Variants in NRG1 observed in about 807,000 individuals in gnomAD.
NRG1 encodes pro-neuregulin-1, membrane-bound isoform.
In NRG1, 18 loss-of-function variants were observed where a neutral mutation model predicts 63.8. That is an observed-to-expected ratio of 0.28 (90% CI 0.19 to 0.42). The LOEUF is 0.42. Ranked by LOEUF, NRG1 falls within the 10% of genes least tolerant of loss-of-function variation. The pLI, the probability that NRG1 is intolerant of heterozygous loss-of-function variation, is 1.00. For synonymous variants in NRG1, 302 were observed against 301.3 expected (o/e 1.00, Z -0.02); for missense variants, 762 against 814.7 (o/e 0.94, Z 0.79).
At chr8:32,457,852 T>C (rs552927479) in intron 1 of NRG1, among the ~76,000 whole-genome samples, 1 of 152,270 alleles carries the variant, frequency 6.6e-6, no homozygotes, top group East Asian at 1.9e-4. Context: ...CTTAATGTGA[T>C]AGAAGCAAAT....
chr8:31,902,742 A>G (rs1832191431), intron 1 of NRG1, among the ~76,000 whole-genome samples: 1 of 152,222 alleles, frequency 6.6e-6, no homozygotes, highest in African/African-American at 2.4e-5. Context: ...TATTTTTACA[A>G]TTAAAAAGTA....
At chr8:32,355,722 G>T (rs1166204204) in intron 1 of NRG1, among the ~76,000 whole-genome samples, 4 of 151,496 alleles carry the variant, frequency 2.6e-5, no homozygotes, top group Admixed American at 1.3e-4. Context: ...AAAGAGATTT[G>T]TTTCCTCACC....
intron 1 of NRG1, among the ~76,000 whole-genome samples, chr8:31,863,760 T>C (rs942678968): frequency 5.9e-5 from 9 of 152,204 alleles, no homozygotes; most frequent in Admixed American, 5.2e-4. Flanking sequence ...CATCAAATCT[T>C]CTGGAAAGCC....
chr8:31,711,636 CTG>C (rs1156529737), intron 1 of NRG1, among the ~76,000 whole-genome samples: 4 of 152,164 alleles, frequency 2.6e-5, no homozygotes, highest in African/African-American at 9.7e-5. Context: ...TTATGTCTCT[CTG>C]TTTTTCCTTT....
At chr8:32,034,445 C>G (rs1818735177) in intron 1 of NRG1, among the ~76,000 whole-genome samples, 1 of 152,130 alleles carries the variant, frequency 6.6e-6, no homozygotes, top group African/African-American at 2.4e-5. Flanking sequence ...GGTTTGGTAT[C>G]AGGATGATGC....
chr8:31,802,378 G>T (rs1374896466), intron 1 of NRG1, among the ~76,000 whole-genome samples: 1 of 152,056 alleles, frequency 6.6e-6, no homozygotes, highest in Non-Finnish European at 1.5e-5. Flanking sequence ...ACTACAAAAT[G>T]CCTTCTACTC....
chr8:31,641,666 C>T (rs561426733), intron 1 of NRG1: 20 of 152,228 alleles, frequency 1.3e-4, no homozygotes, highest in African/African-American at 4.8e-4. Flanking sequence ...TTCCTGATTA[C>T]TATATAATCA....
chr8:32,239,632 C>G (rs1261399895), intron 1 of NRG1, among the ~76,000 whole-genome samples: 2 of 152,026 alleles, frequency 1.3e-5, no homozygotes, highest in African/African-American at 4.8e-5. Flanking sequence ...CACTACAGAG[C>G]AGGAGAAAAC....
At chr8:32,083,775 A>T (rs1827840585) in intron 1 of NRG1, among the ~76,000 whole-genome samples, 1 of 56,210 alleles carries the variant, frequency 1.8e-5, no homozygotes, top group African/African-American at 5.6e-5. Flanking sequence ...GTGATACAGT[A>T]TATATGTATT....
At chr8:32,515,370 T>A (rs1195489011) in intron 1 of NRG1, among the ~76,000 whole-genome samples, 2 of 152,098 alleles carry the variant, frequency 1.3e-5, no homozygotes, top group Non-Finnish European at 2.9e-5. Flanking sequence ...TGTTGAGAAT[T>A]TTTTTCATAC....
At chr8:32,306,139 C>G (rs1220024764) in intron 1 of NRG1, among the ~76,000 whole-genome samples, 1 of 152,192 alleles carries the variant, frequency 6.6e-6, no homozygotes, top group Non-Finnish European at 1.5e-5. Context: ...TCACCATTTA[C>G]TTTCCAATTC....
At chr8:32,343,622 G>A (rs914172000) in intron 1 of NRG1, among the ~76,000 whole-genome samples, 3 of 152,166 alleles carry the variant, frequency 2.0e-5, no homozygotes, top group African/African-American at 7.2e-5. Context: ...AAGTAAAAGG[G>A]GAGGTGGTAG....
chr8:32,251,818 G>A (rs939051517), intron 1 of NRG1, among the ~76,000 whole-genome samples: 14 of 151,324 alleles, frequency 9.3e-5, no homozygotes, highest in African/African-American at 2.2e-4. Context: ...GATGAGTTGC[G>A]TTTCTCTAAT....
intron 6 of NRG1, among the ~76,000 whole-genome samples, chr8:32,741,078 A>G (rs759742578): frequency 3.9e-5 from 6 of 152,166 alleles, no homozygotes; most frequent in Non-Finnish European, 5.9e-5. Context: ...GGTAAAATCA[A>G]TCCTACTTAA....
chr8:32,443,874 A>AT, intron 1 of NRG1, among the ~76,000 whole-genome samples: 1 of 152,060 alleles, frequency 6.6e-6, no homozygotes, highest in South Asian at 2.1e-4. Flanking sequence ...AATCCTAGTG[A>AT]TTTTTTGACA....
At chr8:31,719,675 A>G (rs1447235355) in intron 1 of NRG1, among the ~76,000 whole-genome samples, 2 of 152,150 alleles carry the variant, frequency 1.3e-5, no homozygotes, top group Non-Finnish European at 1.5e-5. Context: ...ACTGGGGTTT[A>G]TTTTAAGTTA....
intron 1 of NRG1, among the ~76,000 whole-genome samples, chr8:31,671,139 AT>A (rs35000459): frequency 6.6e-6 from 1 of 151,568 alleles, no homozygotes; most frequent in African/African-American, 2.4e-5. Context: ...CCATGATCTC[AT>A]TTTTTTTAAT....
intron 5 of NRG1, among the ~76,000 whole-genome samples, chr8:32,680,174 T>G (rs1441627191): frequency 6.6e-6 from 1 of 152,202 alleles, no homozygotes; most frequent in African/African-American, 2.4e-5. Flanking sequence ...GCTGGTTGAC[T>G]AGAAATTATC....
intron 5 of NRG1, chr8:32,648,353 A>G: frequency 6.2e-7 from 1 of 1,614,156 alleles, no homozygotes; most frequent in Non-Finnish European, 8.5e-7. Flanking sequence ...CACAAACAAC[A>G]GAAACTAATC....
Sources: allele counts gnomAD v4.1 joint callset (sites outside exome capture counted in the v4.1 genomes callset), GRCh38; gene constraint gnomAD v4.1.1; transcripts MANE v1.5; gene names NCBI Gene and HGNC (gene_info 2026-07-23, HGNC 2026-07-21).